Variants in PER3 observed in about 807,000 individuals in gnomAD.
PER3 encodes the protein period circadian protein homolog 3.
In PER3, 107 loss-of-function variants were observed where a neutral mutation model predicts 127.2. That is an observed-to-expected ratio of 0.84 (90% CI 0.72 to 0.99). The LOEUF is 0.99. PER3 is among the 50% of genes least tolerant of loss of function. The pLI is 0.00. For synonymous variants in PER3, 618 were observed against 585.8 expected, an observed-to-expected ratio of 1.05 and a Z score of -0.79; for missense variants, 1,560 against 1,525.8, an observed-to-expected ratio of 1.02 and a Z score of -0.37.
In PER3 at chr1:7,788,098, T is replaced by A. The variant is rs771329983; in HGVS notation, c.444T>A (p.Ser148=). The A allele has an allele frequency of 1.4e-5, 22 of 1,614,098 alleles. No individual in the cohort carries two copies. Among genetic ancestry groups the A allele is most frequent in the Non-Finnish European group, 1.7e-6 (2 of 1,179,908 alleles). ...TGTCTGGAAGGTTAGTGCACATTTCTGAACAGGCTGCTTTGATCCTGAATC... is the reference window on the plus strand; with the variant it reads ...TGTCTGGAAGGTTAGTGCACATTTCAGAACAGGCTGCTTTGATCCTGAATC... ...SFLSGRLVHI[S]EQAALILNRK... Residue 148 remains serine, a synonymous_variant, in exon 5 of 22, where the codon TCT becomes TCA. Transcript: ENST00000377532.
intron 13 of PER3, 71 bp from the exon 14 acceptor site, chr1:7,819,214 T>G: frequency 7.4e-7 from 1 of 1,354,000 alleles, no homozygotes; most frequent in Non-Finnish European, 1.0e-6. Context: ...GATTTAATTT[T>G]GGTAAGAAAG....
At chr1:7,815,663 C>T (rs1258377796) in intron 13 of PER3, among the ~76,000 whole-genome samples, 2 of 151,990 alleles carry the variant, frequency 1.3e-5, no homozygotes, top group African/African-American at 4.8e-5. Flanking sequence ...AAATAATCCA[C>T]AGGTCAGAGA....
chr1:7,831,260 T>A (rs2097330380), intron 19 of PER3, among the ~76,000 whole-genome samples: 1 of 152,262 alleles, frequency 6.6e-6, no homozygotes, highest in South Asian at 2.1e-4. Context: ...TGCAATTGTT[T>A]GTTGTTAGCA....
At chr1:7,822,532 C>T (rs1006779493) in intron 16 of PER3, among the ~76,000 whole-genome samples, 3 of 152,140 alleles carry the variant, frequency 2.0e-5, no homozygotes, top group Non-Finnish European at 2.9e-5. Context: ...GGATTACAGG[C>T]GTGAGCCACA....
chr1:7,822,359 G>A (rs973811421), intron 16 of PER3, among the ~76,000 whole-genome samples: 6 of 151,812 alleles, frequency 4.0e-5, no homozygotes, highest in Admixed American at 6.6e-5. Context: ...GGATTCAAGC[G>A]ATTCTCCTGC....
rs1243249063 is a variant in PER3 at position 7,836,828 on chromosome 1, GC to G, written c.3399-169del. ...ATAGATATTTTCCACCAAGAAAAAA[GC>G]CTTTACCAACTTGAAAAGGAAATGA... On this transcript the variant is annotated intron_variant, in intron 20 of 21. Transcript: ENST00000377532. The G allele has an allele frequency of 3.5e-5, 17 of 491,644 alleles. No individual in the cohort carries two copies. In the East Asian group the frequency reaches 4.8e-4, roughly 14 times the overall value. The allele number at this position is 491,644 out of a possible 1,614,324, so 30.5% of individuals were successfully genotyped here. A position where few individuals can be genotyped will look rare whatever the true frequency, so the allele number is the denominator to read the frequency against.
chr1:7,829,137 G>C (rs2097316670), intron 18 of PER3, among the ~76,000 whole-genome samples: 1 of 152,088 alleles, frequency 6.6e-6, no homozygotes, highest in Admixed American at 6.6e-5. Context: ...CCTTACCCAG[G>C]GGATATGTTT....
intron 16 of PER3, among the ~76,000 whole-genome samples, chr1:7,822,254 A>C (rs1002337644): frequency 7.9e-6 from 1 of 125,870 alleles, no homozygotes; most frequent in African/African-American, 2.8e-5. Flanking sequence ...AAATTTAAAA[A>C]AAAATTTTTT....
chr1:7,810,162 GA>G (rs1348627452), intron 12 of PER3, 141 bp downstream of exon 12: 18 of 905,140 alleles, frequency 2.0e-5, no homozygotes, highest in Non-Finnish European at 2.2e-5. Context: ...TTTTGGTTTG[GA>G]AAAAAAAGTC....
At chr1:7,793,181 T>C (rs926666876) in intron 5 of PER3, among the ~76,000 whole-genome samples, 1 of 152,242 alleles carries the variant, frequency 6.6e-6, no homozygotes, top group Non-Finnish European at 1.5e-5. Context: ...AGACTTCTTG[T>C]TTCAGTGAAC....
chr1:7,830,064 G>A lies in PER3; in HGVS notation c.3117G>A (p.Leu1039=), dbSNP rs2097323708. Residue 1039 remains leucine, a synonymous_variant, in exon 19 of 22, where the codon TTG becomes TTA. Transcript: ENST00000377532. ...CTGCCAGCACACTGTCCATGGGATT[G>A]CCTCCCAGCAGGACTCCATCCCATC... ...HPTASTLSMG[L]PPSRTPSHPT... 3 of 1,611,692 alleles carry A rather than the reference G, an allele frequency of 1.9e-6. No homozygotes were observed. In the East Asian group the frequency reaches 6.7e-5, roughly 36 times the overall value.
rs568252759 is a variant in PER3 at position 7,803,919 on chromosome 1, G to T, written c.1136+71G>T. The T allele has an allele frequency of 3.6e-5, 45 of 1,239,178 alleles. No individual in the cohort carries two copies. In the Middle Eastern group the frequency reaches 6.0e-4, roughly 17 times the overall value. 76.8% of individuals were successfully genotyped at this position (1,239,178 alleles called of 1,614,324 possible). On this transcript the variant is annotated intron_variant, in intron 10 of 21. Coordinates refer to ENST00000377532, the MANE Select transcript of PER3 (RefSeq NM_001377275.1). Reference sequence around the variant, plus strand: ...AATAATATTCCTTAGCTTATTGACTGCCCTCTGACTCAATTGACACATAAA... The same window carrying T: ...AATAATATTCCTTAGCTTATTGACTTCCCTCTGACTCAATTGACACATAAA...
rs955769247 is a variant in PER3, at chr1:7,827,520, C to G, written c.2591C>G (p.Pro864Arg). The G allele has an allele frequency of 2.0e-5, 33 of 1,614,056 alleles. No individual in the cohort carries two copies. Among genetic ancestry groups the G allele is most frequent in the Non-Finnish European group, 2.7e-5 (32 of 1,180,006 alleles). Residue 864 changes from proline to arginine, a missense_variant, in exon 18 of 22, where the codon CCT becomes CGT. Pro to Arg is a moderately radical substitution (Grantham distance 103, BLOSUM62 -2). Transcript: ENST00000377532. ...ATGACCGTTTTCCTGCCTGACCCCC[C>G]TGTCTGTCCTCTGTTGTCGCCATCG... ...TFMTVFLPDP[P>R]VCPLLSPSFL...
In PER3 at chr1:7,794,015, A is replaced by G. The variant is rs772430775; in HGVS notation, c.644+7A>G. 4 of 1,611,482 alleles carry G rather than the reference A, an allele frequency of 2.5e-6. No individual in the cohort carries two copies. Among genetic ancestry groups the G allele is most frequent in the Non-Finnish European group, 3.4e-6 (4 of 1,177,690 alleles). On this transcript the variant is annotated splice_region_variant and intron_variant, in intron 6 of 21. Coordinates refer to ENST00000377532, the MANE Select transcript of PER3 (RefSeq NM_001377275.1). The stretch of plus-strand genomic sequence containing the variant: ...CTTTTTTCTGCAGGATCCGGTAAGT[A>G]TAGTGGCTCGTGGAAGCCAGCAACA...
Position 7,809,989 on chromosome 1 carries a change from G to A in PER3, c.1339G>A (p.Gly447Arg), listed in dbSNP as rs925090145. 27 of 1,613,784 alleles carry A rather than the reference G, an allele frequency of 1.7e-5. No homozygotes were observed. Among genetic ancestry groups the A allele is most frequent in the East Asian group, 4.5e-5 (2 of 44,876 alleles). ...VSIASSSEAS[G>R]HRVEETKAEQ... ...CATCGCCTCCTCCAGTGAGGCCAGT[G>A]GGCACCGTGTGGAGGAGACGAAGGC... The change falls in exon 12 of 22, where the codon GGG becomes AGG. Residue 447 changes from glycine (G) to arginine (R), a missense_variant. Physicochemically the swap from Gly to Arg is moderately radical, Grantham distance 125. Coordinates refer to ENST00000377532, the MANE Select transcript of PER3 (RefSeq NM_001377275.1).
intron 3 of PER3, among the ~76,000 whole-genome samples, chr1:7,786,248 C>G (rs888825353): frequency 2.0e-5 from 3 of 152,110 alleles, no homozygotes; most frequent in African/African-American, 7.2e-5. Flanking sequence ...GAGCGAGACT[C>G]TGTCTCTAAA....
rs2097302274 is a variant in PER3, at chr1:7,826,529, A to C, written c.2007A>C (p.Pro669=). The C allele has an allele frequency of 6.2e-7, 1 of 1,614,108 alleles. No homozygotes were observed. ...FCEPWTLNMQ[P]APLTSEEFKH... ...AGCCCTGGACCCTGAACATGCAGCCAGCCCCTTTGACCTCGGAAGAATTTA... is the reference window on the plus strand; with the variant it reads ...AGCCCTGGACCCTGAACATGCAGCCCGCCCCTTTGACCTCGGAAGAATTTA... The change falls in exon 17 of 22, where the codon CCA becomes CCC. Residue 669 remains proline, a synonymous_variant. Coordinates refer to ENST00000377532, the MANE Select transcript of PER3 (RefSeq NM_001377275.1). The surrounding 1 kb of genome is among the most constrained non-coding windows in gnomAD (Gnocchi z 4.2).
intron 10 of PER3, among the ~76,000 whole-genome samples, chr1:7,806,808 AAAAAATATATAT>A (rs1243402041): frequency 3.3e-5 from 2 of 60,812 alleles, no homozygotes; most frequent in African/African-American, 6.1e-5. Flanking sequence ...AAAAAAAAAA[AAAAAATATATAT>A]ATATATATAT....
chr1:7,838,044 C>T (rs2097366400), intron 21 of PER3, among the ~76,000 whole-genome samples: 1 of 150,404 alleles, frequency 6.6e-6, no homozygotes, highest in Non-Finnish European at 1.5e-5. Flanking sequence ...CAGCCAGTCT[C>T]AAAAAAGACA....
Sources: gnomAD v4.1 joint callset for allele counts (sites outside exome capture counted in the v4.1 genomes callset) on GRCh38, gnomAD v4.1.1 for gene constraint, Gnocchi (gnomAD v3.1) non-coding constraint, MANE v1.5 for transcripts, NCBI Gene and HGNC (gene_info 2026-07-23, HGNC 2026-07-21) for gene names.